Variants in SLCO1C1 observed in about 807,000 individuals in gnomAD.
SLCO1C1 encodes the protein OAT-RP-5.
SLCO1C1 carries 70 observed loss-of-function variants against 76.4 expected under a neutral mutation model. The observed-to-expected ratio is 0.92, with a 90% CI of 0.76 to 1.12. The LOEUF (loss-of-function observed/expected upper bound fraction) is 1.12, where lower values mean the gene tolerates loss of function less well. Ranked by LOEUF, SLCO1C1 falls within the 50% of genes most tolerant of loss-of-function variation. The pLI is 0.00. For missense variants in SLCO1C1, 912 were observed against 823.8 expected (o/e 1.11, Z -1.31); for synonymous variants, 306 against 286.1 (o/e 1.07, Z -0.70).
At chr12:20,727,408 A>G (rs1948068781) in intron 9 of SLCO1C1, among the ~76,000 whole-genome samples, 1 of 152,108 alleles carries the variant, frequency 6.6e-6, no homozygotes, top group African/African-American at 2.4e-5. Context: ...CTGGTGTGAG[A>G]TGGTTTCTCA....
At chr12:20,707,034 A>G (rs1946813414) in intron 4 of SLCO1C1, among the ~76,000 whole-genome samples, 1 of 124,066 alleles carries the variant, frequency 8.1e-6, no homozygotes, top group African/African-American at 3.2e-5. Context: ...TAGACCACTT[A>G]TGTAAGTACA....
At chr12:20,708,820 G>T (rs1471577039) in intron 4 of SLCO1C1, among the ~76,000 whole-genome samples, 9 of 152,136 alleles carry the variant, frequency 5.9e-5, no homozygotes, top group Non-Finnish European at 8.8e-5. Flanking sequence ...ATCACCCGAG[G>T]CTCTTAGTAA....
In SLCO1C1 at chr12:20,743,385, G is replaced by A. The variant is rs1351351770; in HGVS notation, c.1798+16G>A. 4 of 1,598,002 alleles carry A rather than the reference G, an allele frequency of 2.5e-6. No homozygotes were observed. The highest frequency in any genetic ancestry group is 1.3e-5 in the African/African-American group (1 of 74,698). ...AGAGTTCTTGGTAAGTTTAACCTAT[G>A]CTTTAATTTATGGTAGACACCGTAA... On this transcript the variant is annotated intron_variant, in intron 13 of 14. Coordinates refer to ENST00000266509, the MANE Select transcript of SLCO1C1 (RefSeq NM_017435.5).
chr12:20,725,388 TATATG>T (rs1947927629), intron 9 of SLCO1C1, among the ~76,000 whole-genome samples: 1 of 143,174 alleles, frequency 7.0e-6, no homozygotes, highest in African/African-American at 2.6e-5. Context: ...TATAGTATAA[TATATG>T]ATATATGGTA....
intron 13 of SLCO1C1, among the ~76,000 whole-genome samples, chr12:20,749,149 A>G (rs1256750618): frequency 6.6e-6 from 1 of 152,232 alleles, no homozygotes; most frequent in East Asian, 1.9e-4. Flanking sequence ...GAACAAATGG[A>G]TAATCTCTGA....
Position 20,739,445 on chromosome 12 carries a change from C to T in SLCO1C1, c.1549-739C>T, listed in dbSNP as rs1433302420. ...TCATAGAAGGTCTCTATTAAAACCT[C>T]TAAACGGAGAACTAAAGTATGGACG... On this transcript the variant is annotated intron_variant, in intron 11 of 14. Transcript: ENST00000266509. Among the ~76,000 whole-genome samples, 3 of 149,638 alleles carry T rather than the reference C, an allele frequency of 2.0e-5. No homozygotes were observed. The East Asian group carries it at 6.1e-4, about 30-fold the overall frequency.
intron 5 of SLCO1C1, among the ~76,000 whole-genome samples, chr12:20,714,188 C>G (rs1268141254): frequency 6.6e-6 from 1 of 152,154 alleles, no homozygotes; most frequent in Non-Finnish European, 1.5e-5. Context: ...CTATTCTTCA[C>G]AATCAAAAAT....
At chr12:20,722,125 C>G (rs1000187242) in intron 8 of SLCO1C1, 76 bp downstream of exon 8, 14 of 1,495,334 alleles carry the variant, frequency 9.4e-6, no homozygotes, top group African/African-American at 1.4e-5. Flanking sequence ...TTACATCCCT[C>G]TCTTCCCTTC....
chr12:20,712,941 C>T (rs1429977932), intron 5 of SLCO1C1, among the ~76,000 whole-genome samples: 1 of 152,090 alleles, frequency 6.6e-6, no homozygotes, highest in East Asian at 1.9e-4. Context: ...GCATTCAAAT[C>T]AATGGACAAG....
intron 2 of SLCO1C1, chr12:20,700,247 T>A (rs977007323): frequency 3.3e-5 from 5 of 151,954 alleles, no homozygotes; most frequent in African/African-American, 9.7e-5. Flanking sequence ...GTTTTTATTT[T>A]TTGTTATAGC....
chr12:20,721,713 T>C (rs1947682645), intron 7 of SLCO1C1, 91 bp from the exon 8 acceptor site: 3 of 1,415,404 alleles, frequency 2.1e-6, no homozygotes, highest in African/African-American at 1.5e-5. Context: ...TATGATGTTA[T>C]AGAGTTTTGC....
intron 1 of SLCO1C1, among the ~76,000 whole-genome samples, chr12:20,698,255 A>G (rs940821481): frequency 6.6e-6 from 1 of 151,436 alleles, no homozygotes; most frequent in African/African-American, 2.4e-5. Context: ...TTTTGTTTTT[A>G]AATTTTTCTC....
intron 4 of SLCO1C1, among the ~76,000 whole-genome samples, chr12:20,710,535 C>T (rs10770708): frequency 0.29 from 43,914 of 151,772 alleles, 6,707 homozygotes; most frequent in African/African-American, 0.37. Flanking sequence ...AGAGTAGAGC[C>T]GGGGGATTGT....
chr12:20,723,028 GCTA>G (rs1947756922), intron 8 of SLCO1C1, 59 bp from the exon 9 acceptor site: 3 of 1,468,970 alleles, frequency 2.0e-6, no homozygotes, highest in Non-Finnish European at 2.8e-6. Context: ...TGCCAGCACG[GCTA>G]CTTCTTCTTC....
rs114800464 is a variant in SLCO1C1, at chr12:20,748,764, G to A, written c.1799-1911G>A. Among the ~76,000 whole-genome samples the A allele has an allele frequency of 6.0e-3, 915 of 151,974 alleles. 10 individuals are homozygous for A. Among genetic ancestry groups the A allele is most frequent in the African/African-American group, 0.021 (867 of 41,428 alleles). On this transcript the variant is annotated intron_variant, in intron 13 of 14. Transcript: ENST00000266509. ...AATATCCCAACTATTGGATGTGTTT[G>A]TTTGCTTGTGAGTATGTCCAGGTAA...
At chr12:20,704,033 A>G (rs1018832453) in intron 3 of SLCO1C1, among the ~76,000 whole-genome samples, 2 of 150,860 alleles carry the variant, frequency 1.3e-5, no homozygotes, top group Non-Finnish European at 3.0e-5. Context: ...ATGTTACTTT[A>G]AAGTTTGGTA....
intron 7 of SLCO1C1, among the ~76,000 whole-genome samples, chr12:20,720,420 T>G (rs1358766165): frequency 6.6e-6 from 1 of 152,222 alleles, no homozygotes; most frequent in African/African-American, 2.4e-5. Flanking sequence ...TAGTGATTTC[T>G]AATGATTTCT....
At chr12:20,698,126 C>T (rs573713023) in intron 1 of SLCO1C1, among the ~76,000 whole-genome samples, 2 of 152,020 alleles carry the variant, frequency 1.3e-5, no homozygotes, top group African/African-American at 2.4e-5. Context: ...CTTCAACATT[C>T]GATGCATCTT....
At chr12:20,700,346 T>C (rs1234659882) in intron 2 of SLCO1C1, 1 of 151,978 alleles carries the variant, frequency 6.6e-6, no homozygotes, top group African/African-American at 2.4e-5. Flanking sequence ...ATATACCTGT[T>C]GGCCATGCCT....
Sources: allele counts gnomAD v4.1 joint callset (sites outside exome capture counted in the v4.1 genomes callset), GRCh38; gene constraint gnomAD v4.1.1; transcripts MANE v1.5; gene names NCBI Gene and HGNC (gene_info 2026-07-23, HGNC 2026-07-21).